The following TMX2 variants were observed in gnomAD, a reference collection of about 807,000 sequenced individuals.
TMX2 encodes thioredoxin related transmembrane protein 2.
TMX2 carries 20 observed loss-of-function variants against 33.4 expected under a neutral mutation model. The observed-to-expected ratio is 0.60, with a 90% CI of 0.42 to 0.87. The LOEUF (loss-of-function observed/expected upper bound fraction) is 0.87, where lower values mean the gene tolerates loss of function less well. Among genes scored for constraint, TMX2 ranks in the 40% least tolerant of loss-of-function variants. The pLI is 0.00. For missense variants in TMX2, 340 were observed against 370.7 expected (o/e 0.92, Z 0.68); for synonymous variants, 166 against 140.7 (o/e 1.18, Z -1.27).
chr11:57,715,438 T>G (rs7480943), intron 1 of TMX2, among the ~76,000 whole-genome samples: 1 of 149,538 alleles, frequency 6.7e-6, no homozygotes, highest in Non-Finnish European at 1.5e-5. Context: ...AAAATATATT[T>G]TATATATAAT....
chr11:57,728,518 C>T (rs918827475), intron 1 of TMX2, among the ~76,000 whole-genome samples: 4 of 152,120 alleles, frequency 2.6e-5, no homozygotes, highest in African/African-American at 9.7e-5. Flanking sequence ...TTCGGTGGAA[C>T]TGTTAAGTCG....
chr11:57,721,312 T>C (rs1056860825), intron 1 of TMX2, among the ~76,000 whole-genome samples: 2 of 150,606 alleles, frequency 1.3e-5, no homozygotes, highest in African/African-American at 4.9e-5. Context: ...AATCAATCAA[T>C]CAATCAATGT....
At chr11:57,737,701 A>T in intron 2 of TMX2, 33 bp downstream of exon 2, 1 of 1,601,892 alleles carries the variant, frequency 6.2e-7, no homozygotes, top group Non-Finnish European at 8.6e-7. Context: ...ACTCAAGGTT[A>T]GATCTAATGC....
At chr11:57,725,526 C>G (rs1947920400) in intron 1 of TMX2, among the ~76,000 whole-genome samples, 1 of 152,116 alleles carries the variant, frequency 6.6e-6, no homozygotes, top group Non-Finnish European at 1.5e-5. Flanking sequence ...CACTTGTGGT[C>G]AGGAGTTTGA....
chr11:57,732,709 A>G (rs1948472900), intron 1 of TMX2, among the ~76,000 whole-genome samples: 2 of 152,194 alleles, frequency 1.3e-5, no homozygotes. Context: ...GCTTCTAGAT[A>G]GCTAAACACA....
At chr11:57,737,827 AT>A (rs1382205048) in intron 2 of TMX2, 85 bp from the exon 3 acceptor site, 1 of 1,613,376 alleles carries the variant, frequency 6.2e-7, no homozygotes, top group African/African-American at 1.3e-5. Context: ...CCTGTCTCCT[AT>A]TTCAAAGTGC....
At chr11:57,720,186 G>A (rs940125524) in intron 1 of TMX2, among the ~76,000 whole-genome samples, 5 of 148,832 alleles carry the variant, frequency 3.4e-5, no homozygotes, top group Non-Finnish European at 5.9e-5. Flanking sequence ...GGGGCCTCTC[G>A]TTTTCCTTAT....
chr11:57,718,224 C>T, intron 1 of TMX2: 1 of 1,447,130 alleles, frequency 6.9e-7, no homozygotes, highest in Non-Finnish European at 9.7e-7. Context: ...TGTGTTGGGT[C>T]CAGCAATTGC....
intron 1 of TMX2, 119 bp downstream of exon 1, chr11:57,712,926 C>A: frequency 9.3e-7 from 1 of 1,079,476 alleles, no homozygotes; most frequent in Non-Finnish European, 1.3e-6. Flanking sequence ...CTGTAGCGGA[C>A]TTAGAGACTA....
chr11:57,726,923 C>T (rs1440457292), intron 1 of TMX2, among the ~76,000 whole-genome samples: 1 of 152,136 alleles, frequency 6.6e-6, no homozygotes, highest in African/African-American at 2.4e-5. Flanking sequence ...TACAAACACA[C>T]TGTAAGTCTA....
chr11:57,717,573 C>T (rs1240631474), intron 1 of TMX2, among the ~76,000 whole-genome samples: 1 of 152,080 alleles, frequency 6.6e-6, no homozygotes, highest in Non-Finnish European at 1.5e-5. Flanking sequence ...CGTGGTGGCG[C>T]TTGCCTGCAA....
At chr11:57,731,050 T>G (rs1039331898) in intron 1 of TMX2, among the ~76,000 whole-genome samples, 2 of 152,078 alleles carry the variant, frequency 1.3e-5, no homozygotes, top group Non-Finnish European at 2.9e-5. Flanking sequence ...AATTTTTAAA[T>G]TCTGTAATGT....
At chr11:57,716,096 G>A (rs950213829) in intron 1 of TMX2, among the ~76,000 whole-genome samples, 6 of 152,084 alleles carry the variant, frequency 3.9e-5, no homozygotes, top group Admixed American at 3.9e-4. Flanking sequence ...TGAGCTGTTG[G>A]GTACACCTCC....
In TMX2 at chr11:57,719,184, C is replaced by T. The variant is rs909533997; in HGVS notation, c.189+6377C>T. 1.8e-3 allele frequency among the ~76,000 whole-genome samples: 275 copies of T among 150,634 alleles called. 4 individuals are homozygous for T. The highest frequency in any genetic ancestry group is 4.7e-4 in the Non-Finnish European group (32 of 67,624). Reference sequence around the variant, plus strand: ...CTGAGTAGCTGGGATTACAGGTGCACGCCACCACGCCCGGCTAATTTTTTG... The same window carrying T: ...CTGAGTAGCTGGGATTACAGGTGCATGCCACCACGCCCGGCTAATTTTTTG... On this transcript the variant is annotated intron_variant, in intron 1 of 7. Transcript: ENST00000278422.
chr11:57,738,440 C>T lies in TMX2; in HGVS notation c.441+10C>T, dbSNP rs770447204. ...TGATAAAACCATTGATGTGAGTGCTCTTTCCCCTTTCTGTTTCTTGGGTCC... is the reference window on the plus strand; with the variant it reads ...TGATAAAACCATTGATGTGAGTGCTTTTTCCCCTTTCTGTTTCTTGGGTCC... On this transcript the variant is annotated intron_variant, in intron 4 of 7. Transcript: ENST00000278422. 1.3e-6 allele frequency: 2 copies of T among 1,596,562 alleles called. No individual in the cohort carries two copies. The highest frequency in any genetic ancestry group is 1.1e-5 in the South Asian group (1 of 90,430).
Position 57,737,991 on chromosome 11 carries a change from T to C in TMX2, c.329T>C (p.Ile110Thr), listed in dbSNP as rs758696280. The C allele has an allele frequency of 3.1e-6, 5 of 1,613,988 alleles. No individual in the cohort carries two copies. The South Asian group carries it at 4.4e-5, about 14-fold the overall frequency. ...ANTILFFRLD[I>T]RMGLLYITLC... ...ACAATTCTTTTCTTCCGCTTGGATA[T>C]TCGCATGGGCCTACTTTACATCACA... The change falls in exon 3 of 8, where the codon ATT becomes ACT. Residue 110 changes from isoleucine (I) to threonine (T), a missense_variant. Ile to Thr is a moderately conservative substitution (Grantham distance 89, BLOSUM62 -1). This residue lies in a region of TMX2 where 209 missense variants were observed against 241.6 expected (regional missense o/e 0.87). Coordinates refer to ENST00000278422, the MANE Select transcript of TMX2 (RefSeq NM_015959.4).
intron 1 of TMX2, among the ~76,000 whole-genome samples, chr11:57,734,841 G>GGGTT (rs1948641521): frequency 6.6e-6 from 1 of 151,700 alleles, no homozygotes; most frequent in African/African-American, 2.4e-5. Flanking sequence ...TTTCATTCAT[G>GGGTT]AAAATCTTTC....
chr11:57,716,850 C>G (rs950229676), intron 1 of TMX2, among the ~76,000 whole-genome samples: 2 of 151,212 alleles, frequency 1.3e-5, no homozygotes, highest in African/African-American at 4.9e-5. Context: ...CTGACCCCCC[C>G]CACCTCCCTC....
At chr11:57,733,466 A>G (rs1948531440) in intron 1 of TMX2, among the ~76,000 whole-genome samples, 1 of 151,962 alleles carries the variant, frequency 6.6e-6, no homozygotes, top group Non-Finnish European at 1.5e-5. Context: ...CATGTAGGCC[A>G]GGCTGGTCTT....
Sources: gnomAD v4.1 joint callset for allele counts (sites outside exome capture counted in the v4.1 genomes callset) on GRCh38, gnomAD v4.1.1 for gene constraint, gnomAD v4.1.1 regional missense constraint, MANE v1.5 for transcripts, NCBI Gene and HGNC (gene_info 2026-07-23, HGNC 2026-07-21) for gene names.